RBFOX1: variants seen among roughly 807,000 people sequenced by gnomAD.
RBFOX1 encodes RNA binding fox-1 homolog 1, also known as RNA binding protein fox-1 homolog 1.
Under a neutral mutation model 57.7 loss-of-function variants are expected in RBFOX1, and 8 were observed. The ratio of observed to expected loss-of-function variants is 0.14; its 90% CI spans 0.08 to 0.25. The LOEUF is 0.25. RBFOX1 is among the 10% of genes least tolerant of loss of function. The pLI, the probability that RBFOX1 is intolerant of heterozygous loss-of-function variation, is 1.00. For synonymous variants in RBFOX1, 326 were observed against 222.4 expected, an observed-to-expected ratio of 1.47 and a Z score of -4.15; for missense variants, 611 against 548.5, an observed-to-expected ratio of 1.11 and a Z score of -1.14.
intron 3 of RBFOX1, among the ~76,000 whole-genome samples, chr16:7,001,478 A>G (rs973973152): frequency 1.3e-5 from 2 of 149,934 alleles, no homozygotes; most frequent in African/African-American, 2.5e-5. Context: ...ATATTTTGAG[A>G]TGGAGTCTCG....
At chr16:7,476,128 G>A in intron 4 of RBFOX1, among the ~76,000 whole-genome samples, 1 of 152,000 alleles carries the variant, frequency 6.6e-6, no homozygotes, top group Admixed American at 6.6e-5. Flanking sequence ...ACCACACCCA[G>A]CAAATTTTTG....
intron 4 of RBFOX1, among the ~76,000 whole-genome samples, chr16:7,378,835 C>G (rs2097733196): frequency 6.6e-6 from 1 of 152,134 alleles, no homozygotes; most frequent in Non-Finnish European, 1.5e-5. Flanking sequence ...TTGCAGGGCA[C>G]AAAAGGACCT....
chr16:5,556,686 A>G (rs182275266), intron 2 of RBFOX1, among the ~76,000 whole-genome samples: 138 of 152,036 alleles, frequency 9.1e-4, no homozygotes, highest in African/African-American at 3.2e-3. Flanking sequence ...TCCATGTGAT[A>G]CTCTTTGAAG....
At position 7,205,958 on chromosome 16, in the gene RBFOX1, G is replaced by A. The variant is rs560529801; in HGVS notation, c.27+153860G>A. On this transcript the variant is annotated intron_variant, in intron 4 of 15. Coordinates refer to ENST00000550418, the MANE Select transcript of RBFOX1 (RefSeq NM_018723.4). ...GGAGGACAGCCTGGTTTTCTCATAC[G>A]ATTTGATCTACGACATGATGAGCCT... Among the ~76,000 whole-genome samples the A allele has an allele frequency of 1.1e-4, 17 of 152,322 alleles. No individual in the cohort carries two copies. In the Middle Eastern group the frequency reaches 0.01, roughly 91 times the overall value.
In RBFOX1 at chr16:6,258,424, G is replaced by A. The variant is rs376262458; in HGVS notation, c.-126-58571G>A. Among the ~76,000 whole-genome samples, 47 of 152,258 alleles carry A rather than the reference G, an allele frequency of 3.1e-4. 1 individual carries two copies. Among genetic ancestry groups the A allele is most frequent in the African/African-American group, 1.1e-3 (45 of 41,556 alleles). On this transcript the variant is annotated intron_variant, in intron 1 of 15. Transcript: ENST00000550418. ...TCTTAGAATGAGTGTGTTTTTGATT[G>A]TGTGCCCGTGTGTGCACATGAGCAT...
intron 3 of RBFOX1, among the ~76,000 whole-genome samples, chr16:7,024,997 C>T (rs889860836): frequency 3.3e-5 from 5 of 152,144 alleles, no homozygotes; most frequent in African/African-American, 9.7e-5. Context: ...GAAACTGTTA[C>T]AGGCAAGGGG....
At chr16:6,636,709 C>T (rs1253380937) in intron 2 of RBFOX1, among the ~76,000 whole-genome samples, 2 of 145,594 alleles carry the variant, frequency 1.4e-5, no homozygotes, top group East Asian at 4.0e-4. Flanking sequence ...TTGTGTGAAT[C>T]TCACCAATCT....
chr16:6,191,538 C>A (rs1217642094), intron 1 of RBFOX1, among the ~76,000 whole-genome samples: 1 of 152,158 alleles, frequency 6.6e-6, no homozygotes, highest in Non-Finnish European at 1.5e-5. Flanking sequence ...ATGAGTATAC[C>A]ACTGAATGCA....
chr16:6,688,744 C>A (rs1254569339), intron 3 of RBFOX1, among the ~76,000 whole-genome samples: 1 of 152,082 alleles, frequency 6.6e-6, no homozygotes, highest in Non-Finnish European at 1.5e-5. Context: ...ACACATCAAC[C>A]CATCATCTAC....
At chr16:6,553,741 A>C (rs1010119390) in intron 2 of RBFOX1, among the ~76,000 whole-genome samples, 1 of 152,192 alleles carries the variant, frequency 6.6e-6, no homozygotes, top group Non-Finnish European at 1.5e-5. Context: ...AGGACAGCAA[A>C]AGGTGATAGG....
chr16:7,386,343 A>G (rs761133915), intron 4 of RBFOX1, among the ~76,000 whole-genome samples: 15 of 152,160 alleles, frequency 9.9e-5, no homozygotes, highest in East Asian at 1.9e-4. Flanking sequence ...TCACCCCGTC[A>G]TCTACATTAG....
At chr16:6,645,677 C>A (rs1032780945) in intron 2 of RBFOX1, among the ~76,000 whole-genome samples, 1 of 152,108 alleles carries the variant, frequency 6.6e-6, no homozygotes, top group Non-Finnish European at 1.5e-5. Context: ...TAAAAATAGA[C>A]ATGTTTTTAA....
At chr16:6,900,239 C>T (rs776640081) in intron 3 of RBFOX1, among the ~76,000 whole-genome samples, 6 of 152,164 alleles carry the variant, frequency 3.9e-5, no homozygotes, top group Admixed American at 1.3e-4. Flanking sequence ...TAAGCACGTT[C>T]AAACATCCCA....
chr16:5,296,560 A>T (rs567181544), intron 1 of RBFOX1, among the ~76,000 whole-genome samples: 16 of 127,852 alleles, frequency 1.3e-4, no homozygotes, highest in Admixed American at 4.3e-4. Flanking sequence ...TTTTTTAATT[A>T]AAAAAAAAAA....
At chr16:6,153,799 G>C (rs1429154121) in intron 1 of RBFOX1, among the ~76,000 whole-genome samples, 1 of 152,128 alleles carries the variant, frequency 6.6e-6, no homozygotes, top group African/African-American at 2.4e-5. Context: ...TCCTCCCAAA[G>C]TGCTGGGATT....
intron 4 of RBFOX1, among the ~76,000 whole-genome samples, chr16:5,868,535 T>G (rs1287899231): frequency 2.0e-5 from 3 of 152,176 alleles, no homozygotes; most frequent in Non-Finnish European, 1.5e-5. Flanking sequence ...TGCAAACACC[T>G]AAGGGGAGAT....
chr16:6,481,685 A>G lies in RBFOX1; in HGVS notation c.-64+164628A>G, dbSNP rs116419929. On this transcript the variant is annotated intron_variant, in intron 2 of 15. Coordinates refer to ENST00000550418, the MANE Select transcript of RBFOX1 (RefSeq NM_018723.4). ...CTGTTGGAAAATGTGTCAGGGGATC[A>G]TACAAGATAACATTAGAAGTTAACT... is the stretch of plus-strand genomic sequence containing the variant. Among the ~76,000 whole-genome samples the G allele has an allele frequency of 3.8e-3, 583 of 152,330 alleles. 2 individuals carry two copies. Among genetic ancestry groups the G allele is most frequent in the East Asian group, 0.024 (125 of 5,176 alleles).
At chr16:5,791,696 A>G (rs1409653541) in intron 3 of RBFOX1, among the ~76,000 whole-genome samples, 3 of 152,200 alleles carry the variant, frequency 2.0e-5, no homozygotes, top group African/African-American at 7.2e-5. Flanking sequence ...TGCATTCTAG[A>G]GAGTAGAAAA....
chr16:6,951,801 C>T (rs747180090), intron 3 of RBFOX1, among the ~76,000 whole-genome samples: 5 of 152,036 alleles, frequency 3.3e-5, no homozygotes, highest in Non-Finnish European at 5.9e-5. Context: ...TGGCATAATC[C>T]AGGCTCACTG....
Sources: allele counts gnomAD v4.1 joint callset (sites outside exome capture counted in the v4.1 genomes callset), GRCh38; gene constraint gnomAD v4.1.1; transcripts MANE v1.5; gene names NCBI Gene and HGNC (gene_info 2026-07-23, HGNC 2026-07-21).